Variants in ANKRD18B observed in about 807,000 individuals in gnomAD.
The protein encoded by ANKRD18B is ankyrin repeat domain 18B.
ANKRD18B carries 75 observed loss-of-function variants against 111.8 expected under a neutral mutation model. The observed-to-expected ratio is 0.67, with a 90% confidence interval of 0.56 to 0.81. The LOEUF is 0.81. Ranked by LOEUF, ANKRD18B falls within the 40% of genes least tolerant of loss-of-function variation. The pLI, the probability that ANKRD18B is intolerant of heterozygous loss-of-function variation, is 0.00. For synonymous variants in ANKRD18B, 356 were observed against 417.3 expected (o/e 0.85, Z 1.79); for missense variants, 1,038 against 1,225.5 (o/e 0.85, Z 2.28).
In ANKRD18B at chr9:33,550,531, G is replaced by T. The variant is rs1340243336; in HGVS notation, c.2169G>T (p.Leu723Phe). ...GTACATCACATTGTCATATTAATTT[G>T]GATGAGACATGGACTTCAAAGAAGA... ...LEGTSHCHIN[L>F]DETWTSKKKL... The change falls in exon 12 of 19, where the codon TTG (leucine) becomes TTT (phenylalanine). Residue 723 changes from leucine to phenylalanine, a missense_variant. This residue lies in a region of ANKRD18B where 524 missense variants were observed against 677.9 expected (regional missense o/e 0.77). Transcript: ENST00000684830. 6.5e-7 allele frequency: 1 copy of T among 1,544,684 alleles called. No homozygotes were observed. The highest frequency in any genetic ancestry group is 8.7e-7 in the Non-Finnish European group (1 of 1,144,388).
intron 1 of ANKRD18B, among the ~76,000 whole-genome samples, chr9:33,525,974 C>CT (rs1235609828): frequency 6.6e-6 from 1 of 151,984 alleles, no homozygotes; most frequent in Admixed American, 6.6e-5. Flanking sequence ...GAAAAGAACT[C>CT]TAACAGTGAG....
chr9:33,539,638 T>A (rs1376622655), intron 7 of ANKRD18B, 136 bp downstream of exon 7: 2 of 152,616 alleles, frequency 1.3e-5, no homozygotes, highest in Admixed American at 1.3e-4. Flanking sequence ...TACGTGTCAG[T>A]GAAGGCAAGC....
At chr9:33,544,615 A>T (rs1415397896) in intron 10 of ANKRD18B, among the ~76,000 whole-genome samples, 1 of 152,198 alleles carries the variant, frequency 6.6e-6, no homozygotes, top group Non-Finnish European at 1.5e-5. Context: ...AGGCAGGCAG[A>T]TCATGTGAGG....
At chr9:33,574,463 A>G (rs138381526), downstream of ANKRD18B, 1,188 of 152,864 alleles carry the variant, frequency 7.8e-3, 8 homozygotes, top group Non-Finnish European at 0.013. Context: ...GAGAAGATGT[A>G]TTGAATTCAG....
In ANKRD18B at chr9:33,548,140, T is replaced by C; in HGVS notation, c.1352T>C (p.Ile451Thr). The C allele has an allele frequency of 2.0e-6, 3 of 1,533,996 alleles. No homozygotes were observed. Among genetic ancestry groups the C allele is most frequent in the East Asian group, 2.5e-5 (1 of 40,760 alleles). The change falls in exon 11 of 19, where the codon ATA becomes ACA. Residue 451 changes from isoleucine (I) to threonine (T), a missense_variant. Around this residue, in one of 4 missense-constraint regions of ANKRD18B, gnomAD observed 205 missense variants for 201.3 expected, o/e 1.02. Coordinates refer to ENST00000684830, the MANE Select transcript of ANKRD18B (RefSeq NM_001393611.1). ...AGTGTAAGACTCAATGAAGAAATGA[T>C]AACAAAAAAAGTGGCCCAGTATTCG... is the stretch of plus-strand genomic sequence containing the variant. ...EKSVRLNEEMITKKVAQYSQQ... is the reference protein window; with the variant it reads ...EKSVRLNEEMTTKKVAQYSQQ...
intron 13 of ANKRD18B, among the ~76,000 whole-genome samples, chr9:33,556,367 G>A (rs1326870533): frequency 1.3e-5 from 2 of 151,494 alleles, no homozygotes; most frequent in East Asian, 3.9e-4. Flanking sequence ...GGGTTCAAGT[G>A]ATTCTCTTGC....
intron 14 of ANKRD18B, among the ~76,000 whole-genome samples, chr9:33,562,094 T>C (rs191957837): frequency 2.6e-4 from 39 of 152,302 alleles, no homozygotes; most frequent in African/African-American, 8.9e-4. Flanking sequence ...ACTCTTTCTT[T>C]TTTTCTCCAT....
intron 12 of ANKRD18B, among the ~76,000 whole-genome samples, chr9:33,553,230 T>A (rs1180148936): frequency 6.7e-6 from 1 of 149,782 alleles, no homozygotes; most frequent in Non-Finnish European, 1.5e-5. Flanking sequence ...AGCTGGGGCA[T>A]GGTGGTGCAT....
At chr9:33,551,757 C>A (rs147850018) in intron 12 of ANKRD18B, among the ~76,000 whole-genome samples, 10,191 of 152,156 alleles carry the variant, frequency 0.067, 389 homozygotes, top group South Asian at 0.11. Flanking sequence ...TATTTCCCTG[C>A]CATTGGACTC....
chr9:33,557,812 C>CA (rs201390188), intron 13 of ANKRD18B, among the ~76,000 whole-genome samples: 7,367 of 146,316 alleles, frequency 0.05, 199 homozygotes, highest in South Asian at 0.072. Context: ...AAAACAAAAA[C>CA]AAAAAAAAAA....
intron 16 of ANKRD18B, among the ~76,000 whole-genome samples, chr9:33,567,992 A>T (rs57766412): frequency 6.6e-6 from 1 of 152,190 alleles, no homozygotes; most frequent in African/African-American, 2.4e-5. Context: ...CCTTGGTCAC[A>T]GTGTTGAGGG....
rs1409530867 is a variant in ANKRD18B, at chr9:33,543,347, T to A, written c.1149+92T>A. ...GTCCAAATGAAGTGACCTTTTAGAC[T>A]ATCCTTTTAGAATCCAACAGAGCAT... is the stretch of plus-strand genomic sequence containing the variant. On this transcript the variant is annotated intron_variant, in intron 10 of 18. Coordinates refer to ENST00000684830, the MANE Select transcript of ANKRD18B (RefSeq NM_001393611.1). The A allele has an allele frequency of 3.8e-6, 4 of 1,057,262 alleles. No homozygotes were observed. The African/African-American group carries it at 6.5e-5, about 17-fold the overall frequency. The allele number at this position is 1,057,262 out of a possible 1,614,324, so 65.5% of individuals were successfully genotyped here.
At chr9:33,526,203 A>C (rs963275183) in intron 1 of ANKRD18B, among the ~76,000 whole-genome samples, 9 of 152,224 alleles carry the variant, frequency 5.9e-5, no homozygotes, top group Non-Finnish European at 1.3e-4. Context: ...CATTTTAAAA[A>C]TGTATATGCC....
At chr9:33,542,849 A>C (rs1828300164) in intron 9 of ANKRD18B, among the ~76,000 whole-genome samples, 1 of 152,202 alleles carries the variant, frequency 6.6e-6, no homozygotes, top group South Asian at 2.1e-4. Flanking sequence ...TGAAGCAGAG[A>C]ATAGTAAAGT....
chr9:33,568,934 T>A (rs1563909717), intron 17 of ANKRD18B, 41 bp downstream of exon 17: 6 of 1,460,310 alleles, frequency 4.1e-6, no homozygotes, highest in Non-Finnish European at 5.5e-6. Flanking sequence ...TTCATTTCTC[T>A]AATATAATTC....
At chr9:33,555,504 G>A (rs1215745944) in intron 12 of ANKRD18B, among the ~76,000 whole-genome samples, 2 of 152,130 alleles carry the variant, frequency 1.3e-5, no homozygotes, top group East Asian at 3.8e-4. Context: ...TTCAGAAAAG[G>A]TAATGATGAA....
chr9:33,535,672 A>G (rs1477931817), intron 5 of ANKRD18B, among the ~76,000 whole-genome samples: 4 of 147,228 alleles, frequency 2.7e-5, no homozygotes, highest in African/African-American at 9.8e-5. Flanking sequence ...TCTATATATT[A>G]TATAATTATT....
Position 33,564,111 on chromosome 9 carries a change from G to A in ANKRD18B, c.2461-2108G>A, listed in dbSNP as rs373941625. ...CTCCTGAGCAGCTAGGATTATGGGC[G>A]TGCACCATTGCACCTGTCTGATTTT... is the stretch of plus-strand genomic sequence containing the variant. On this transcript the variant is annotated intron_variant, in intron 14 of 18. Coordinates refer to ENST00000684830, the MANE Select transcript of ANKRD18B (RefSeq NM_001393611.1). Among the ~76,000 whole-genome samples the A allele has an allele frequency of 3.5e-3, 529 of 152,272 alleles. 4 individuals carry two copies. Among genetic ancestry groups the A allele is most frequent in the African/African-American group, 0.011 (464 of 41,552 alleles).
At chr9:33,574,505 G>C (rs1015945497), downstream of ANKRD18B, 1 of 152,666 alleles carries the variant, frequency 6.6e-6, no homozygotes, top group African/African-American at 2.4e-5. Flanking sequence ...CTTTACACAC[G>C]ACCTGGGTTC....
Sources: gnomAD v4.1 joint callset for allele counts (sites outside exome capture counted in the v4.1 genomes callset) on GRCh38, gnomAD v4.1.1 for gene constraint, gnomAD v4.1.1 regional missense constraint, MANE v1.5 for transcripts, NCBI Gene and HGNC (gene_info 2026-07-23, HGNC 2026-07-21) for gene names.